Variants in SOX5 observed in about 807,000 individuals in gnomAD.
The protein encoded by SOX5 is SRY-box transcription factor 5, also known as transcription factor SOX-5.
SOX5 carries 9 observed loss-of-function variants against 92.0 expected under a neutral mutation model. The ratio of observed to expected loss-of-function variants is 0.10; its 90% CI spans 0.06 to 0.17. The LOEUF (loss-of-function observed/expected upper bound fraction) is 0.17. Ranked by LOEUF, SOX5 falls within the 10% of genes least tolerant of loss-of-function variation. The probability of loss-of-function intolerance (pLI) is 1.00; values close to 1 mark genes in which losing one functional copy is unlikely to be tolerated. For missense variants in SOX5, 642 were observed against 944.5 expected, an observed-to-expected ratio of 0.68 and a Z score of 4.20; for synonymous variants, 344 against 336.3, an observed-to-expected ratio of 1.02 and a Z score of -0.25.
chr12:23,572,005 G>A (rs1948451576), intron 10 of SOX5, among the ~76,000 whole-genome samples: 1 of 152,120 alleles, frequency 6.6e-6, no homozygotes, highest in South Asian at 2.1e-4. Flanking sequence ...ATAACATCTG[G>A]TCAAAAGATT....
chr12:24,077,959 A>T (rs1592946481), intron 4 of SOX5, among the ~76,000 whole-genome samples: 1 of 151,578 alleles, frequency 6.6e-6, no homozygotes, highest in East Asian at 1.9e-4. Context: ...ATGTAAAAAA[A>T]CCATAGAGAA....
At chr12:23,554,468 A>C (rs191839835) in intron 11 of SOX5, among the ~76,000 whole-genome samples, 8 of 152,252 alleles carry the variant, frequency 5.3e-5, no homozygotes, top group Admixed American at 5.2e-4. Flanking sequence ...TCCGTTAGAA[A>C]AGAGACTGGG....
At chr12:23,662,255 T>C (rs977165840) in intron 7 of SOX5, among the ~76,000 whole-genome samples, 1 of 152,082 alleles carries the variant, frequency 6.6e-6, no homozygotes, top group Admixed American at 6.6e-5. Context: ...ATTTTTAGGA[T>C]TTTAATAAGT....
At chr12:23,960,442 T>A (rs1467356194) in intron 4 of SOX5, among the ~76,000 whole-genome samples, 1 of 149,470 alleles carries the variant, frequency 6.7e-6, no homozygotes, top group African/African-American at 2.5e-5. Flanking sequence ...ACATGATATA[T>A]GCTTACACAT....
intron 1 of SOX5, among the ~76,000 whole-genome samples, chr12:24,559,161 G>A (rs188023439): frequency 1.6e-4 from 24 of 152,196 alleles, no homozygotes; most frequent in East Asian, 9.6e-4. Flanking sequence ...CACTTTCTTC[G>A]CCTTTAAAAT....
At position 23,764,641 on chromosome 12, in the gene SOX5, T is replaced by TA. The variant is rs533652578; in HGVS notation, c.482-8918dup. Reference sequence around the variant, plus strand: ...AGTGAATTCACATAATCACTTTGTGTAATTGGATGTCTAGGCCATGTTGAA... The same window carrying TA: ...AGTGAATTCACATAATCACTTTGTGTAAATTGGATGTCTAGGCCATGTTGAA... On this transcript the variant is annotated intron_variant, in intron 3 of 14. Coordinates refer to ENST00000451604, the MANE Select transcript of SOX5 (RefSeq NM_006940.6). 6.9e-4 allele frequency among the ~76,000 whole-genome samples: 105 copies of TA among 152,228 alleles called. No homozygotes were observed. The Middle Eastern group carries it at 0.017, about 25-fold the overall frequency.
intron 3 of SOX5, among the ~76,000 whole-genome samples, chr12:24,266,038 G>A (rs1484234408): frequency 2.7e-4 from 3 of 10,914 alleles, no homozygotes; most frequent in East Asian, 3.9e-3. Context: ...CAGCTAATGT[G>A]TGTGTGTGTG....
chr12:24,313,677 T>C (rs1949422299), intron 2 of SOX5, among the ~76,000 whole-genome samples: 1 of 152,246 alleles, frequency 6.6e-6, no homozygotes, highest in South Asian at 2.1e-4. Flanking sequence ...TATAACACTT[T>C]ATTGCACTTA....
chr12:23,878,785 T>A (rs922717379), intron 2 of SOX5, among the ~76,000 whole-genome samples: 3 of 152,136 alleles, frequency 2.0e-5, no homozygotes, highest in Admixed American at 6.5e-5. Flanking sequence ...AAATACTACA[T>A]CATACTGACT....
chr12:24,110,651 C>T (rs530727557), intron 4 of SOX5, among the ~76,000 whole-genome samples: 7 of 151,900 alleles, frequency 4.6e-5, no homozygotes, highest in South Asian at 4.2e-4. Context: ...TTTGGGAGGC[C>T]GAGGCGGACG....
At chr12:24,129,995 G>A (rs1209773120) in intron 4 of SOX5, among the ~76,000 whole-genome samples, 1 of 152,144 alleles carries the variant, frequency 6.6e-6, no homozygotes, top group African/African-American at 2.4e-5. Context: ...GTACATGCCT[G>A]CATGTATGTA....
At chr12:23,982,023 G>A (rs1028043539) in intron 4 of SOX5, among the ~76,000 whole-genome samples, 8 of 152,134 alleles carry the variant, frequency 5.3e-5, no homozygotes, top group African/African-American at 1.9e-4. Context: ...TTTTCTATAT[G>A]TGATCAACAT....
At chr12:23,824,319 G>A (rs1006141141) in intron 3 of SOX5, among the ~76,000 whole-genome samples, 2 of 152,130 alleles carry the variant, frequency 1.3e-5, no homozygotes, top group African/African-American at 2.4e-5. Flanking sequence ...TGTCCTTTTT[G>A]TTGATGTTGA....
intron 2 of SOX5, among the ~76,000 whole-genome samples, chr12:24,355,991 C>T (rs888218326): frequency 6.6e-6 from 1 of 151,864 alleles, no homozygotes; most frequent in Non-Finnish European, 1.5e-5. Flanking sequence ...AAATCCAGCC[C>T]AATTTATTCT....
chr12:24,446,524 A>T (rs188618577), intron 1 of SOX5, among the ~76,000 whole-genome samples: 1 of 152,376 alleles, frequency 6.6e-6, no homozygotes, highest in Admixed American at 6.5e-5. Context: ...ATGAGATCAG[A>T]GAGATGAGCA....
At chr12:23,860,595 T>C (rs1272768914) in intron 2 of SOX5, among the ~76,000 whole-genome samples, 1 of 152,214 alleles carries the variant, frequency 6.6e-6, no homozygotes, top group Admixed American at 6.5e-5. Context: ...CCCAGGACTT[T>C]AAGAGATGCC....
At chr12:23,976,239 CA>C (rs1450109073) in intron 4 of SOX5, among the ~76,000 whole-genome samples, 1 of 150,734 alleles carries the variant, frequency 6.6e-6, no homozygotes, top group Non-Finnish European at 1.5e-5. Flanking sequence ...CTTATTTTGC[CA>C]AAATTGCTTA....
intron 1 of SOX5, among the ~76,000 whole-genome samples, chr12:23,947,065 A>G (rs1944708503): frequency 1.3e-5 from 2 of 151,942 alleles, no homozygotes; most frequent in African/African-American, 2.4e-5. Context: ...AATATTCCTT[A>G]AAGTTCAAAT....
chr12:24,141,694 A>G (rs1273243284), intron 4 of SOX5, among the ~76,000 whole-genome samples: 1 of 144,096 alleles, frequency 6.9e-6, no homozygotes, highest in African/African-American at 2.4e-5. Flanking sequence ...CTCAAATGCT[A>G]TAAATTGGTT....
Sources: gnomAD v4.1 joint callset for allele counts (sites outside exome capture counted in the v4.1 genomes callset) on GRCh38, gnomAD v4.1.1 for gene constraint, MANE v1.5 for transcripts, NCBI Gene and HGNC (gene_info 2026-07-23, HGNC 2026-07-21) for gene names.